Variants in RASSF8 observed in about 807,000 individuals in gnomAD.
The protein encoded by RASSF8 is ras association domain-containing protein 8.
In RASSF8, 22 loss-of-function variants were observed where a neutral mutation model predicts 48.5. That is an observed-to-expected ratio of 0.45 (90% CI 0.32 to 0.65). The LOEUF is 0.65. RASSF8 is among the 30% of genes least tolerant of loss of function. RASSF8 has a pLI of 0.03. For missense variants in RASSF8, 418 were observed against 489.2 expected (o/e 0.85, Z 1.37); for synonymous variants, 127 against 171.5 (o/e 0.74, Z 2.03).
chr12:26,015,305 G>T (rs1032941162), intron 2 of RASSF8, among the ~76,000 whole-genome samples: 38 of 152,042 alleles, frequency 2.5e-4, no homozygotes, highest in Non-Finnish European at 4.9e-4. Flanking sequence ...TTATTGAGGA[G>T]CACTTTGTCA....
Position 25,958,772 on chromosome 12 carries a change from C to T in RASSF8, c.-579C>T, listed in dbSNP as rs952664257. ...GCTCGTCCGGCGCCCCGCGCCGCGC[C>T]CCGCTCAGCGTCTGCCGCCCAGCTC... On this transcript the variant is annotated 5_prime_UTR_variant, in exon 1 of 6. Coordinates refer to ENST00000689635, the MANE Select transcript of RASSF8 (RefSeq NM_001394098.1). 6.8e-6 allele frequency among the ~76,000 whole-genome samples: 1 copy of T among 147,148 alleles called. No individual in the cohort carries two copies. Among genetic ancestry groups the T allele is most frequent in the Admixed American group, 6.7e-5 (1 of 14,820 alleles).
intron 5 of RASSF8, among the ~76,000 whole-genome samples, chr12:26,068,317 T>G (rs1450619624): frequency 2.0e-5 from 3 of 152,192 alleles, no homozygotes; most frequent in Non-Finnish European, 4.4e-5. Context: ...TGAGTTATAG[T>G]CTATTAATTT....
chr12:26,070,830 T>C lies in RASSF8; in HGVS notation c.*2012T>C. 1.0e-6 allele frequency: 1 copy of C among 983,342 alleles called. No individual in the cohort carries two copies. The highest frequency in any genetic ancestry group is 1.2e-6 in the Non-Finnish European group (1 of 828,092). The allele number at this position is 983,342 out of a possible 1,614,324, so 60.9% of individuals were successfully genotyped here. On this transcript the variant is annotated 3_prime_UTR_variant, in exon 6 of 6. Coordinates refer to ENST00000689635, the MANE Select transcript of RASSF8 (RefSeq NM_001394098.1). ...TGGAGGCAGTATTAAACTTTGCAAT[T>C]AGGAGTTTCAGAGATGCCTTGGCAT...
intron 1 of RASSF8, among the ~76,000 whole-genome samples, chr12:25,961,265 A>C (rs886552532): frequency 6.6e-6 from 1 of 152,220 alleles, no homozygotes; most frequent in Non-Finnish European, 1.5e-5. Context: ...TTCCTGGCAT[A>C]ATGGCTTTGC....
At chr12:26,020,860 G>A (rs1223045204) in intron 2 of RASSF8, among the ~76,000 whole-genome samples, 1 of 152,130 alleles carries the variant, frequency 6.6e-6, no homozygotes, top group African/African-American at 2.4e-5. Flanking sequence ...TGAAGCTTTT[G>A]GGGCCTATGT....
At chr12:26,033,649 TAGAA>T (rs1194090771) in intron 2 of RASSF8, among the ~76,000 whole-genome samples, 27 of 152,268 alleles carry the variant, frequency 1.8e-4, no homozygotes, top group African/African-American at 5.5e-4. Context: ...TCCATCTTCA[TAGAA>T]AGAAAGAAAC....
chr12:26,011,283 AATAGT>A (rs1942517244), intron 2 of RASSF8, among the ~76,000 whole-genome samples: 1 of 129,712 alleles, frequency 7.7e-6, no homozygotes, highest in Admixed American at 7.3e-5. Flanking sequence ...CCCCATTGAA[AATAGT>A]AGGTACTGAC....
chr12:25,980,553 C>A (rs1941717249), intron 1 of RASSF8, among the ~76,000 whole-genome samples: 1 of 152,060 alleles, frequency 6.6e-6, no homozygotes, highest in African/African-American at 2.4e-5. Flanking sequence ...TTTTTAAAAG[C>A]ATCAAAACAC....
chr12:25,979,845 A>AGT (rs3072335), intron 1 of RASSF8, among the ~76,000 whole-genome samples: 21,113 of 152,138 alleles, frequency 0.14, 1,771 homozygotes, highest in East Asian at 0.27. Flanking sequence ...AATTTTTACT[A>AGT]GCAGTAGGGG....
intron 1 of RASSF8, among the ~76,000 whole-genome samples, chr12:25,970,528 GT>G (rs1390295620): frequency 1.3e-5 from 2 of 152,178 alleles, no homozygotes; most frequent in East Asian, 3.9e-4. Flanking sequence ...CATTTAGATT[GT>G]TTCCTCTTAA....
At chr12:26,057,809 T>G (rs1055333846) in intron 3 of RASSF8, among the ~76,000 whole-genome samples, 3 of 152,234 alleles carry the variant, frequency 2.0e-5, no homozygotes, top group Non-Finnish European at 4.4e-5. Flanking sequence ...GACTTTTTAA[T>G]GATCGCCATT....
Position 25,989,776 on chromosome 12 carries a change from A to G in RASSF8, c.-202-5261A>G, listed in dbSNP as rs1178134854. Among the ~76,000 whole-genome samples the G allele has an allele frequency of 3.3e-5, 5 of 151,960 alleles. No homozygotes were observed. In the East Asian group the frequency reaches 9.6e-4, roughly 29 times the overall value. ...GTTTATGGATCAGTTTATTAGGTCA[A>G]GGGTGTGGTGGGGCATGGGGGTGGA... is the stretch of plus-strand genomic sequence containing the variant. On this transcript the variant is annotated intron_variant, in intron 1 of 5. Transcript: ENST00000689635.
At position 26,072,109 on chromosome 12, in the gene RASSF8, A is replaced by T. The variant is rs1591825138; in HGVS notation, c.*3291A>T. ...GGCAGATGGACAGTTCCCATTGTGC[A>T]TTGCCTTTGATAAATTTGGCCTTAA... On this transcript the variant is annotated 3_prime_UTR_variant, in exon 6 of 6. Transcript: ENST00000689635. 1.0e-6 allele frequency: 1 copy of T among 985,258 alleles called. No homozygotes were observed. The highest frequency in any genetic ancestry group is 1.2e-6 in the Non-Finnish European group (1 of 829,874). The allele number at this position is 985,258 out of a possible 1,614,324, so 61.0% of individuals were successfully genotyped here. A position where few individuals can be genotyped will look rare whatever the true frequency, so the allele number is the denominator to read the frequency against.
rs1944006744 is a variant in RASSF8, at chr12:26,071,823, AAT to A, written c.*3007_*3008del. The A allele has an allele frequency of 2.0e-6, 2 of 980,106 alleles. No individual in the cohort carries two copies. The highest frequency in any genetic ancestry group is 3.5e-5 in the African/African-American group (2 of 57,134). 60.7% of individuals were successfully genotyped at this position (980,106 alleles called of 1,614,324 possible). A position where few individuals can be genotyped will look rare whatever the true frequency, so the allele number is the denominator to read the frequency against. On this transcript the variant is annotated 3_prime_UTR_variant, in exon 6 of 6. Transcript: ENST00000689635. ...AACTATATAAATACAGTAAAAAAAA[AAT>A]AGAATTTATGGTGTGAAATATGAAG...
intron 1 of RASSF8, among the ~76,000 whole-genome samples, chr12:25,969,336 A>T (rs547320857): frequency 1.7e-4 from 26 of 152,200 alleles, no homozygotes; most frequent in Non-Finnish European, 2.8e-4. Flanking sequence ...TCTGTGCCTT[A>T]TCGGTAAAAT....
chr12:26,068,712 C>G lies in RASSF8; in HGVS notation c.1154C>G (p.Ser385Cys). The G allele has an allele frequency of 1.3e-6, 2 of 1,537,286 alleles. No individual in the cohort carries two copies. Among genetic ancestry groups the G allele is most frequent in the Non-Finnish European group, 1.7e-6 (2 of 1,146,846 alleles). ...ADIEREAPFQSGSLKRPGSSR... is the reference protein window; with the variant it reads ...ADIEREAPFQCGSLKRPGSSR... ...TCCTGTTTAGAGGCACCATTCCAGTCTGGGTCCCTGAAGCGACCTGGTTCA... is the reference window on the plus strand; with the variant it reads ...TCCTGTTTAGAGGCACCATTCCAGTGTGGGTCCCTGAAGCGACCTGGTTCA... The change falls in exon 6 of 6, where the codon TCT becomes TGT. Residue 385 changes from serine to cysteine, a missense_variant. Transcript: ENST00000689635.
intron 2 of RASSF8, among the ~76,000 whole-genome samples, chr12:26,006,768 T>C (rs935459206): frequency 8.5e-5 from 13 of 152,130 alleles, no homozygotes; most frequent in Admixed American, 2.0e-4. Flanking sequence ...CCCTTGTCCA[T>C]TGAGTGGGAC....
At chr12:26,031,533 T>C (rs776130468) in intron 2 of RASSF8, among the ~76,000 whole-genome samples, 2 of 152,174 alleles carry the variant, frequency 1.3e-5, no homozygotes, top group African/African-American at 2.4e-5. Flanking sequence ...TCAGATTTGG[T>C]GGCAGTGTGC....
chr12:26,024,758 C>A (rs983648164), intron 2 of RASSF8, among the ~76,000 whole-genome samples: 1 of 152,036 alleles, frequency 6.6e-6, no homozygotes, highest in Admixed American at 6.6e-5. Context: ...AGATCAAGAC[C>A]ATCCTGGCTA....
Sources: allele counts gnomAD v4.1 joint callset (sites outside exome capture counted in the v4.1 genomes callset), GRCh38; gene constraint gnomAD v4.1.1; transcripts MANE v1.5; gene names NCBI Gene and HGNC (gene_info 2026-07-23, HGNC 2026-07-21).